Variants in LCLAT1 observed in about 807,000 individuals in gnomAD.
The protein encoded by LCLAT1 is 1-AGP acyltransferase 8.
LCLAT1 carries 11 observed loss-of-function variants against 30.7 expected under a neutral mutation model. The ratio of observed to expected loss-of-function variants is 0.36; its 90% CI spans 0.23 to 0.59. LCLAT1 has a LOEUF of 0.59. LCLAT1 is among the 20% of genes least tolerant of loss of function. LCLAT1 has a pLI of 0.77. For missense variants in LCLAT1, 402 were observed against 458.6 expected, an observed-to-expected ratio of 0.88 and a Z score of 1.13; for synonymous variants, 155 against 151.3, an observed-to-expected ratio of 1.02 and a Z score of -0.18.
At chr2:30,448,424 TTTGATATGC>T (rs1356453009) in intron 1 of LCLAT1, among the ~76,000 whole-genome samples, 3 of 152,252 alleles carry the variant, frequency 2.0e-5, no homozygotes, top group African/African-American at 7.2e-5. Flanking sequence ...CACATTGTAC[TTTGATATGC>T]TTGATATGAC....
At chr2:30,508,066 T>A (rs1031882575) in intron 1 of LCLAT1, among the ~76,000 whole-genome samples, 1 of 152,236 alleles carries the variant, frequency 6.6e-6, no homozygotes, top group African/African-American at 2.4e-5. Context: ...TTTCCTCATA[T>A]GCTCGTTGGC....
At chr2:30,459,721 G>A in intron 1 of LCLAT1, 1 of 1,608,128 alleles carries the variant, frequency 6.2e-7, no homozygotes, top group Non-Finnish European at 8.5e-7. Context: ...TAAAAGCTTT[G>A]GGTAAGTCTT....
Position 30,472,823 on chromosome 2 carries a change from C to T in LCLAT1, c.-5+25440C>T, listed in dbSNP as rs528420369. On this transcript the variant is annotated intron_variant, in intron 1 of 5. Coordinates refer to ENST00000379509, the MANE Select transcript of LCLAT1 (RefSeq NM_001002257.3). ...TTGTCTCCACAAGTCTTGCCAGTCC[C>T]TCCTACCTGCCCCCCACAATACCTT... is the stretch of plus-strand genomic sequence containing the variant. 1.9e-4 allele frequency among the ~76,000 whole-genome samples: 29 copies of T among 152,256 alleles called. No homozygotes were observed. The South Asian group carries it at 5.8e-3, about 31-fold the overall frequency.
intron 3 of LCLAT1, among the ~76,000 whole-genome samples, chr2:30,544,389 A>G (rs1664298535): frequency 2.0e-5 from 3 of 152,216 alleles, no homozygotes; most frequent in Admixed American, 2.0e-4. Flanking sequence ...AGGATTTTAG[A>G]GTTGGCATAT....
At chr2:30,572,027 A>T (rs1665800740) in intron 5 of LCLAT1, among the ~76,000 whole-genome samples, 1 of 152,224 alleles carries the variant, frequency 6.6e-6, no homozygotes, top group Non-Finnish European at 1.5e-5. Context: ...TGAAGCAGAA[A>T]TTATTCAAAT....
intron 5 of LCLAT1, among the ~76,000 whole-genome samples, chr2:30,617,204 C>G (rs12469630): frequency 6.6e-6 from 1 of 152,014 alleles, no homozygotes; most frequent in Non-Finnish European, 1.5e-5. Context: ...CTTCCCTGAA[C>G]GTTGGTCCCT....
chr2:30,522,713 G>A (rs1488264019), intron 1 of LCLAT1, among the ~76,000 whole-genome samples: 1 of 152,188 alleles, frequency 6.6e-6, no homozygotes, highest in Admixed American at 6.5e-5. Flanking sequence ...TTTTAGATTA[G>A]ATTTGGTCTG....
intron 3 of LCLAT1, 28 bp from the exon 4 acceptor site, chr2:30,562,118 G>T: frequency 6.5e-7 from 1 of 1,541,024 alleles, no homozygotes. Context: ...AAAATTATAG[G>T]TAAATTTTAT....
In LCLAT1 at chr2:30,640,943, C is replaced by G. The variant is rs1669272756; in HGVS notation, c.*324C>G. The G allele has an allele frequency of 3.8e-6, 1 of 264,938 alleles. No homozygotes were observed. Among genetic ancestry groups the G allele is most frequent in the Admixed American group, 5.2e-5 (1 of 19,074 alleles). 16.4% of individuals were successfully genotyped at this position (264,938 alleles called of 1,614,324 possible). ...TAAAGGCCCAATCCTAACAGACTCC[C>G]CGTACCAGAGGCAGATCTGGAACTC... On this transcript the variant is annotated 3_prime_UTR_variant, in exon 6 of 6. Transcript: ENST00000379509.
intron 1 of LCLAT1, among the ~76,000 whole-genome samples, chr2:30,485,876 C>T (rs1050672897): frequency 6.6e-6 from 1 of 152,118 alleles, no homozygotes; most frequent in Non-Finnish European, 1.5e-5. Context: ...CCCTTTTGGG[C>T]TTCGTATTTG....
At chr2:30,472,639 A>C (rs1257048276) in intron 1 of LCLAT1, among the ~76,000 whole-genome samples, 2 of 152,190 alleles carry the variant, frequency 1.3e-5, no homozygotes. Flanking sequence ...CATTTTAATG[A>C]CATTCAGATA....
chr2:30,466,898 T>C (rs1287692531), intron 1 of LCLAT1, among the ~76,000 whole-genome samples: 2 of 152,216 alleles, frequency 1.3e-5, no homozygotes, highest in East Asian at 3.9e-4. Context: ...CTCTTAGTTT[T>C]ATTGTATTAT....
intron 1 of LCLAT1, among the ~76,000 whole-genome samples, chr2:30,494,545 TAC>T (rs924394914): frequency 8.3e-5 from 8 of 96,738 alleles, no homozygotes; most frequent in Admixed American, 1.3e-4. Context: ...CATACATGCA[TAC>T]ACACACGCAT....
At chr2:30,597,457 T>C (rs1666973006) in intron 5 of LCLAT1, among the ~76,000 whole-genome samples, 3 of 152,154 alleles carry the variant, frequency 2.0e-5, no homozygotes, top group Admixed American at 2.0e-4. Flanking sequence ...CTATTGTTGG[T>C]GTATAGGAAT....
At chr2:30,483,414 T>C (rs1683410185) in intron 1 of LCLAT1, among the ~76,000 whole-genome samples, 1 of 152,170 alleles carries the variant, frequency 6.6e-6, no homozygotes, top group Non-Finnish European at 1.5e-5. Context: ...CTTTAGAAAA[T>C]ACAACCTGCC....
Position 30,447,302 on chromosome 2 carries a change from CA to C in LCLAT1, c.-85del, listed in dbSNP as rs1681295057. On this transcript the variant is annotated 5_prime_UTR_variant, in exon 1 of 6. Transcript: ENST00000379509. ...CGGGATGAATTAACGGCGGGTTCCG[CA>C]CGGAGGTTGTGACCCCTACGGAGCC... 1 of 151,922 alleles carries C rather than the reference CA, an allele frequency of 6.6e-6. No individual in the cohort carries two copies. Among genetic ancestry groups the C allele is most frequent in the South Asian group, 2.1e-4 (1 of 4,808 alleles). The allele number at this position is 151,922 out of a possible 1,614,324, so 9.4% of individuals were successfully genotyped here.
chr2:30,456,779 G>A (rs1240905503), intron 1 of LCLAT1, among the ~76,000 whole-genome samples: 1 of 152,148 alleles, frequency 6.6e-6, no homozygotes, highest in Non-Finnish European at 1.5e-5. Flanking sequence ...TGCCTTATCT[G>A]TATCTTCAGA....
chr2:30,640,229 C>G lies in LCLAT1; in HGVS notation c.741C>G (p.Val247=), dbSNP rs1005864307. 6.2e-7 allele frequency: 1 copy of G among 1,614,128 alleles called. No homozygotes were observed. The highest frequency in any genetic ancestry group is 2.2e-5 in the East Asian group (1 of 44,878). The change falls in exon 6 of 6, where the codon GTC becomes GTG. Residue 247 remains valine, a synonymous_variant. Transcript: ENST00000379509. ...GDFPREIHFH[V]HRYPIDTLPT... ...TTCCCAGGGAAATCCACTTTCACGT[C>G]CACCGGTATCCAATAGACACCCTCC...
chr2:30,461,770 C>CTTTTTTTTTTTTTTTTTTTTT (rs1553354407), intron 1 of LCLAT1, among the ~76,000 whole-genome samples: 1 of 131,800 alleles, frequency 7.6e-6, no homozygotes, highest in Non-Finnish European at 1.6e-5. Context: ...CTAAATTAAA[C>CTTTTTTTTTTTTTTTTTTTTT]TTTTTTTTTT....
Sources: allele counts gnomAD v4.1 joint callset (sites outside exome capture counted in the v4.1 genomes callset), GRCh38; gene constraint gnomAD v4.1.1; transcripts MANE v1.5; gene names NCBI Gene and HGNC (gene_info 2026-07-23, HGNC 2026-07-21).